TYW1: variants seen among roughly 807,000 people sequenced by gnomAD.
TYW1 encodes tRNA-yW synthesizing protein 1 homolog, also known as S-adenosyl-L-methionine-dependent tRNA 4-demethylwyosine synthase TYW1.
Under a neutral mutation model 96.2 loss-of-function variants are expected in TYW1, and 46 were observed. The observed-to-expected ratio is 0.48, with a 90% confidence interval of 0.38 to 0.61. The LOEUF (loss-of-function observed/expected upper bound fraction) is 0.61. Ranked by LOEUF, TYW1 falls within the 20% of genes least tolerant of loss-of-function variation. TYW1 has a pLI of 0.00. For missense variants in TYW1, 684 were observed against 909.6 expected (o/e 0.75, Z 3.19); for synonymous variants, 274 against 323.0 (o/e 0.85, Z 1.63).
In TYW1 at chr7:67,055,539, C is replaced by T. The variant is rs1795480130; in HGVS notation, c.1103-296C>T. On this transcript the variant is annotated intron_variant, in intron 8 of 15. Coordinates refer to ENST00000359626, the MANE Select transcript of TYW1 (RefSeq NM_018264.4). Reference sequence around the variant, plus strand: ...TATTAAACCCAGGAGGCAGAGGCTGCAGTGAGCTGAGATCACAACACTGCA... The same window carrying T: ...TATTAAACCCAGGAGGCAGAGGCTGTAGTGAGCTGAGATCACAACACTGCA... 2.7e-5 allele frequency among the ~76,000 whole-genome samples: 4 copies of T among 149,970 alleles called. No homozygotes were observed. In the Admixed American group the frequency reaches 2.7e-4, roughly 10 times the overall value.
At chr7:67,135,591 C>T (rs1054459877) in intron 13 of TYW1, among the ~76,000 whole-genome samples, 4 of 146,214 alleles carry the variant, frequency 2.7e-5, no homozygotes, top group African/African-American at 7.9e-5. Context: ...GCGTGAGCTA[C>T]CACGTCCAGC....
At chr7:67,072,595 A>G (rs1164937918) in intron 10 of TYW1, among the ~76,000 whole-genome samples, 7 of 152,082 alleles carry the variant, frequency 4.6e-5, no homozygotes, top group Non-Finnish European at 8.8e-5. Context: ...TTTTTTTAAC[A>G]TAAGCAGAGA....
At chr7:67,133,301 C>A (rs1201285334) in intron 13 of TYW1, among the ~76,000 whole-genome samples, 1 of 152,032 alleles carries the variant, frequency 6.6e-6, no homozygotes, top group Non-Finnish European at 1.5e-5. Flanking sequence ...CCATGCCTGG[C>A]TAATTTTTTT....
intron 13 of TYW1, among the ~76,000 whole-genome samples, chr7:67,134,698 T>C (rs10215336): frequency 1 from 150,938 of 151,376 alleles, 75,251 homozygotes; most frequent in Middle Eastern, 1. Context: ...TTCTTCATTC[T>C]GCCAAGGGCT....
chr7:67,137,487 A>G (rs142352241), intron 13 of TYW1, among the ~76,000 whole-genome samples: 2 of 152,284 alleles, frequency 1.3e-5, no homozygotes, highest in African/African-American at 2.4e-5. Context: ...GAAAAAAGGA[A>G]AATTTGAAAC....
At chr7:67,016,407 C>T (rs1462197726) in intron 5 of TYW1, among the ~76,000 whole-genome samples, 1 of 151,380 alleles carries the variant, frequency 6.6e-6, no homozygotes, top group East Asian at 2.0e-4. Context: ...ATTAGCCGGG[C>T]GTGGTGGTGC....
chr7:67,192,134 G>T (rs1800238877), intron 14 of TYW1, among the ~76,000 whole-genome samples: 1 of 151,844 alleles, frequency 6.6e-6, no homozygotes. Context: ...GACCTCAAGT[G>T]ATCTGCCCGC....
intron 14 of TYW1, among the ~76,000 whole-genome samples, chr7:67,187,322 C>T (rs1800060449): frequency 6.6e-6 from 1 of 151,996 alleles, no homozygotes; most frequent in Admixed American, 6.6e-5. Context: ...CCTTGGCCTC[C>T]CAAAGTGTTG....
Position 67,024,984 on chromosome 7 carries a change from G to A in TYW1, c.946G>A (p.Asp316Asn). ...QSLNSIVDVE[D>N]LGKIMDHVKK... ...CCTAAATTCCATTGTTGATGTTGAAGATTTGGGCAAAATTATGGATCATGT... is the reference window on the plus strand; with the variant it reads ...CCTAAATTCCATTGTTGATGTTGAAAATTTGGGCAAAATTATGGATCATGT... The change falls in exon 7 of 16, where the codon GAT becomes AAT. Residue 316 changes from aspartate (D) to asparagine (N), a missense_variant. Transcript: ENST00000359626. The A allele has an allele frequency of 6.2e-7, 1 of 1,613,790 alleles. No homozygotes were observed. Among genetic ancestry groups the A allele is most frequent in the Non-Finnish European group, 8.5e-7 (1 of 1,179,820 alleles).
At chr7:67,085,132 G>A (rs1317539927) in intron 11 of TYW1, among the ~76,000 whole-genome samples, 2 of 152,202 alleles carry the variant, frequency 1.3e-5, no homozygotes, top group African/African-American at 4.8e-5. Context: ...GCATTCTGAA[G>A]ATCAGATGAT....
chr7:67,054,918 A>G (rs1322819913), intron 8 of TYW1, among the ~76,000 whole-genome samples: 1 of 152,232 alleles, frequency 6.6e-6, no homozygotes, highest in Non-Finnish European at 1.5e-5. Context: ...ATGACAGGTT[A>G]TAGTGCTACT....
intron 13 of TYW1, among the ~76,000 whole-genome samples, chr7:67,144,181 CT>C (rs924197343): frequency 6.4e-4 from 98 of 152,270 alleles, no homozygotes; most frequent in African/African-American, 2.3e-3. Flanking sequence ...GACTTAAAGA[CT>C]TTTTTCATTT....
intron 13 of TYW1, among the ~76,000 whole-genome samples, chr7:67,182,136 A>G (rs35955950): frequency 0.15 from 23,476 of 152,182 alleles, 1,966 homozygotes; most frequent in African/African-American, 0.21. Context: ...GCCTTAAGCC[A>G]TTATTAATAA....
At chr7:67,108,121 C>T (rs924673247) in intron 12 of TYW1, among the ~76,000 whole-genome samples, 2 of 152,054 alleles carry the variant, frequency 1.3e-5, no homozygotes, top group Non-Finnish European at 2.9e-5. Context: ...AAGTGATTTG[C>T]CTGCCTTGGC....
intron 13 of TYW1, among the ~76,000 whole-genome samples, chr7:67,153,657 C>T (rs1182557751): frequency 6.6e-6 from 1 of 152,164 alleles, no homozygotes; most frequent in African/African-American, 2.4e-5. Context: ...ACCCCCATTT[C>T]CTTCCCGCTT....
chr7:67,149,722 A>ATATCTATCTATCTATC (rs59266321), intron 13 of TYW1, among the ~76,000 whole-genome samples: 1,672 of 140,198 alleles, frequency 0.012, 17 homozygotes, highest in East Asian at 0.018. Context: ...AGGAAAAAAA[A>ATATCTATCTATCTATC]TATCTATCTA....
intron 15 of TYW1, among the ~76,000 whole-genome samples, chr7:67,220,271 T>A (rs1048290439): frequency 2.8e-5 from 4 of 143,570 alleles, no homozygotes; most frequent in Admixed American, 2.2e-4. Context: ...TGGCGCGATC[T>A]CAGCTCACTG....
intron 15 of TYW1, among the ~76,000 whole-genome samples, chr7:67,215,623 A>G (rs192963580): frequency 0.014 from 2,115 of 152,006 alleles, 48 homozygotes; most frequent in African/African-American, 0.048. Flanking sequence ...TTTACTTGGT[A>G]TGTGTATTAG....
intron 10 of TYW1, among the ~76,000 whole-genome samples, chr7:67,075,572 A>C (rs1338308590): frequency 6.6e-6 from 1 of 152,258 alleles, no homozygotes; most frequent in Non-Finnish European, 1.5e-5. Context: ...TACATGCTAC[A>C]GCATGGATTA....
Sources: allele counts gnomAD v4.1 joint callset (sites outside exome capture counted in the v4.1 genomes callset), GRCh38; gene constraint gnomAD v4.1.1; transcripts MANE v1.5; gene names NCBI Gene and HGNC (gene_info 2026-07-23, HGNC 2026-07-21).